KCNK2: variants seen among roughly 807,000 people sequenced by gnomAD.
The protein encoded by KCNK2 is potassium two pore domain channel subfamily K member 2, also known as potassium channel subfamily K member 2.
In KCNK2, 21 loss-of-function variants were observed where a neutral mutation model predicts 40.5. That is an observed-to-expected ratio of 0.52 (90% CI 0.37 to 0.75). KCNK2 has a LOEUF of 0.75. Among genes scored for constraint, KCNK2 ranks in the 30% least tolerant of loss-of-function variants. The pLI is 0.00. For synonymous variants in KCNK2, 191 were observed against 202.2 expected, an observed-to-expected ratio of 0.94 and a Z score of 0.47; for missense variants, 399 against 531.6, an observed-to-expected ratio of 0.75 and a Z score of 2.45.
chr1:215,109,041 C>CTATATATATATGCAT (rs1660565266), intron 2 of KCNK2, among the ~76,000 whole-genome samples: 1 of 126,056 alleles, frequency 7.9e-6, no homozygotes, highest in African/African-American at 5.5e-5. Context: ...TATATATATG[C>CTATATATATATGCAT]ATATATATAG....
At chr1:215,140,830 A>G (rs1481034268) in intron 3 of KCNK2, among the ~76,000 whole-genome samples, 2 of 152,124 alleles carry the variant, frequency 1.3e-5, no homozygotes, top group Admixed American at 1.3e-4. Flanking sequence ...TCTCTCTTCA[A>G]TAATAAATTA....
At chr1:215,024,950 T>G (rs1440219181) in intron 1 of KCNK2, among the ~76,000 whole-genome samples, 1 of 63,462 alleles carries the variant, frequency 1.6e-5, no homozygotes, top group Non-Finnish European at 5.1e-5. Flanking sequence ...CAGGAGTTTT[T>G]TTTTTTTTTT....
chr1:215,024,104 G>T (rs750975503), intron 1 of KCNK2, among the ~76,000 whole-genome samples: 14 of 152,286 alleles, frequency 9.2e-5, no homozygotes, highest in Admixed American at 3.9e-4. Flanking sequence ...AGAGTAAGGT[G>T]GCATGAACTT....
chr1:215,028,439 T>C (rs1328574039), intron 1 of KCNK2, among the ~76,000 whole-genome samples: 1 of 152,122 alleles, frequency 6.6e-6, no homozygotes, highest in East Asian at 1.9e-4. Context: ...GAATAACTTT[T>C]GGGATTCTGT....
At chr1:215,029,506 CAG>C (rs1415659844) in intron 1 of KCNK2, among the ~76,000 whole-genome samples, 1 of 145,542 alleles carries the variant, frequency 6.9e-6, no homozygotes, top group Non-Finnish European at 1.5e-5. Context: ...ATATAAATAA[CAG>C]AATATATTTA....
intron 6 of KCNK2, among the ~76,000 whole-genome samples, chr1:215,212,593 G>A (rs1206243979): frequency 6.6e-6 from 1 of 152,072 alleles, no homozygotes; most frequent in African/African-American, 2.4e-5. Flanking sequence ...AATTCACTAT[G>A]GTTCTCTAAA....
At chr1:215,044,826 T>TGCAC (rs1657697159) in intron 1 of KCNK2, among the ~76,000 whole-genome samples, 1 of 140,590 alleles carries the variant, frequency 7.1e-6, no homozygotes, top group Non-Finnish European at 1.5e-5. Context: ...TGTGTGTGTG[T>TGCAC]GCGCGCGCAC....
chr1:215,209,098 A>T (rs1665446261), intron 6 of KCNK2, among the ~76,000 whole-genome samples: 1 of 150,778 alleles, frequency 6.6e-6, no homozygotes, highest in Non-Finnish European at 1.5e-5. Flanking sequence ...AAGTGCTGGG[A>T]CTACAGGTGT....
At position 215,068,322 on chromosome 1, in the gene KCNK2, G is replaced by A. The variant is rs1658630430; in HGVS notation, c.35-18046G>A. ...TTAAGATTCACATTGCCAGAAATATGCAGGTACAGTATATGAAGAATATAA... is the reference window on the plus strand; with the variant it reads ...TTAAGATTCACATTGCCAGAAATATACAGGTACAGTATATGAAGAATATAA... On this transcript the variant is annotated intron_variant, in intron 1 of 6. Transcript: ENST00000391895. Among the ~76,000 whole-genome samples, 3 of 152,116 alleles carry A rather than the reference G, an allele frequency of 2.0e-5. No individual in the cohort carries two copies. In the South Asian group the frequency reaches 6.2e-4, roughly 32 times the overall value.
At chr1:215,232,060 A>C (rs1297326494) in intron 6 of KCNK2, among the ~76,000 whole-genome samples, 1 of 152,232 alleles carries the variant, frequency 6.6e-6, no homozygotes, top group African/African-American at 2.4e-5. Flanking sequence ...CAGCAAAGCC[A>C]TATCAATACT....
chr1:215,009,349 C>T lies in KCNK2; in HGVS notation c.34+3394C>T, dbSNP rs950070256. Among the ~76,000 whole-genome samples the T allele has an allele frequency of 4.6e-5, 7 of 152,158 alleles. No homozygotes were observed. In the East Asian group the frequency reaches 1.3e-3, roughly 29 times the overall value. ...ACAATCTAGCTGTTAGATTTGCTATCTGGAAAATTACTGTATTTGTGAGAG... is the reference window on the plus strand; with the variant it reads ...ACAATCTAGCTGTTAGATTTGCTATTTGGAAAATTACTGTATTTGTGAGAG... On this transcript the variant is annotated intron_variant, in intron 1 of 6. Coordinates refer to the KCNK2 transcript ENST00000391895.
At chr1:215,019,645 T>C (rs1253944804) in intron 1 of KCNK2, among the ~76,000 whole-genome samples, 1 of 152,198 alleles carries the variant, frequency 6.6e-6, no homozygotes, top group East Asian at 1.9e-4. Flanking sequence ...GTTATTGGAA[T>C]TAGAGGGAGA....
At chr1:215,213,624 G>A (rs1665835064) in intron 6 of KCNK2, among the ~76,000 whole-genome samples, 1 of 151,738 alleles carries the variant, frequency 6.6e-6, no homozygotes, top group Non-Finnish European at 1.5e-5. Flanking sequence ...AGAAAAAGAA[G>A]TTATCCTAAT....
chr1:215,062,210 A>C (rs963554951), intron 1 of KCNK2, among the ~76,000 whole-genome samples: 1 of 152,172 alleles, frequency 6.6e-6, no homozygotes, highest in African/African-American at 2.4e-5. Flanking sequence ...GGAATAAAAA[A>C]CATTATACTG....
At chr1:215,060,624 A>G (rs1365365766) in intron 1 of KCNK2, among the ~76,000 whole-genome samples, 2 of 152,212 alleles carry the variant, frequency 1.3e-5, no homozygotes, top group African/African-American at 4.8e-5. Context: ...GTAGAAAAAA[A>G]TTATGAATCT....
intron 1 of KCNK2, among the ~76,000 whole-genome samples, chr1:215,007,027 A>G (rs368061475): frequency 0.13 from 7,355 of 55,916 alleles, 535 homozygotes; most frequent in African/African-American, 0.19. Flanking sequence ...ATATATATAT[A>G]TATATATATA....
intron 6 of KCNK2, among the ~76,000 whole-genome samples, chr1:215,203,888 A>G (rs1283365424): frequency 6.6e-6 from 1 of 151,888 alleles, no homozygotes. Flanking sequence ...AACACAAAAA[A>G]TTAGCCGGGT....
At chr1:215,006,552 G>C (rs565133104) in intron 1 of KCNK2, among the ~76,000 whole-genome samples, 1 of 152,106 alleles carries the variant, frequency 6.6e-6, no homozygotes, top group Non-Finnish European at 1.5e-5. Context: ...AAATTATTTA[G>C]ATGTCTCTAT....
intron 3 of KCNK2, among the ~76,000 whole-genome samples, chr1:215,130,319 T>C (rs1293777582): frequency 2.0e-5 from 3 of 152,108 alleles, no homozygotes; most frequent in African/African-American, 7.2e-5. Context: ...CTGTGGAACA[T>C]AGAAGCTCCG....
Sources: allele counts gnomAD v4.1 joint callset (sites outside exome capture counted in the v4.1 genomes callset), GRCh38; gene constraint gnomAD v4.1.1; transcripts MANE v1.5; gene names NCBI Gene and HGNC (gene_info 2026-07-23, HGNC 2026-07-21).